The following PDE4B variants were observed in gnomAD, a reference collection of about 807,000 sequenced individuals.
PDE4B encodes the protein phosphodiesterase 4B.
A neutral mutation model predicts 82.2 loss-of-function variants in PDE4B; 20 were observed. The observed-to-expected ratio is 0.24, with a 90% CI of 0.17 to 0.35. The LOEUF (loss-of-function observed/expected upper bound fraction) is 0.35, where lower values mean the gene tolerates loss of function less well. Ranked by LOEUF, PDE4B falls within the 10% of genes least tolerant of loss-of-function variation. PDE4B has a pLI of 1.00. For synonymous variants in PDE4B, 320 were observed against 318.9 expected, an observed-to-expected ratio of 1.00 and a Z score of -0.04; for missense variants, 655 against 907.2, an observed-to-expected ratio of 0.72 and a Z score of 3.57.
At chr1:66,027,098 A>G (rs1490302325) in intron 3 of PDE4B, among the ~76,000 whole-genome samples, 4 of 152,218 alleles carry the variant, frequency 2.6e-5, no homozygotes. Flanking sequence ...ATCTACTAAA[A>G]TCTAAAAATA....
chr1:66,308,625 G>T (rs1009233103), intron 7 of PDE4B, among the ~76,000 whole-genome samples: 3 of 152,016 alleles, frequency 2.0e-5, no homozygotes, highest in Middle Eastern at 3.2e-3. Flanking sequence ...TAATATCTGG[G>T]CATTTTTTGC....
intron 3 of PDE4B, among the ~76,000 whole-genome samples, chr1:66,228,222 T>G (rs1651615518): frequency 6.6e-6 from 1 of 152,192 alleles, no homozygotes; most frequent in Non-Finnish European, 1.5e-5. Flanking sequence ...TCCCTTCCTT[T>G]ACCCCGGCTC....
intron 3 of PDE4B, among the ~76,000 whole-genome samples, chr1:66,034,714 C>T (rs1424611733): frequency 6.6e-6 from 1 of 152,208 alleles, no homozygotes; most frequent in Non-Finnish European, 1.5e-5. Flanking sequence ...AGAACCCTAG[C>T]ATGTCTAGGA....
At chr1:66,232,805 T>G (rs1652077810) in intron 3 of PDE4B, among the ~76,000 whole-genome samples, 1 of 152,214 alleles carries the variant, frequency 6.6e-6, no homozygotes. Context: ...GGATTTATTA[T>G]GAAGTGTTGC....
chr1:65,931,500 A>G (rs1045965430), intron 3 of PDE4B, among the ~76,000 whole-genome samples: 1 of 152,228 alleles, frequency 6.6e-6, no homozygotes, highest in Admixed American at 6.5e-5. Flanking sequence ...AGGTTTCAGT[A>G]TACAGAGTTA....
chr1:65,905,533 A>T (rs2100435301), intron 1 of PDE4B, among the ~76,000 whole-genome samples: 1 of 152,276 alleles, frequency 6.6e-6, no homozygotes, highest in African/African-American at 2.4e-5. Flanking sequence ...TCTTCATATT[A>T]AGGGTTTTGC....
intron 3 of PDE4B, among the ~76,000 whole-genome samples, chr1:66,070,504 T>C (rs1656098943): frequency 6.6e-6 from 1 of 151,990 alleles, no homozygotes; most frequent in African/African-American, 2.4e-5. Flanking sequence ...AAATAATTTG[T>C]CCCAAAGTTC....
chr1:66,138,192 A>C (rs596662), intron 3 of PDE4B, among the ~76,000 whole-genome samples: 42,204 of 152,136 alleles, frequency 0.28, 6,920 homozygotes, highest in Middle Eastern at 0.43. Context: ...TTTAACAAAT[A>C]AAGCAATCAA....
At chr1:65,924,040 T>C (rs534466687) in intron 3 of PDE4B, among the ~76,000 whole-genome samples, 15 of 149,986 alleles carry the variant, frequency 1.0e-4, no homozygotes, top group African/African-American at 3.4e-4. Flanking sequence ...TGGGCTGCAT[T>C]CTGATAATTG....
chr1:66,289,859 A>C (rs999948970), intron 7 of PDE4B, among the ~76,000 whole-genome samples: 1 of 152,080 alleles, frequency 6.6e-6, no homozygotes, highest in African/African-American at 2.4e-5. Context: ...AAGTGAGGGA[A>C]GTGGACCGAT....
At chr1:66,085,480 T>C (rs1404260807) in intron 3 of PDE4B, among the ~76,000 whole-genome samples, 1 of 152,134 alleles carries the variant, frequency 6.6e-6, no homozygotes, top group African/African-American at 2.4e-5. Flanking sequence ...TTAAATGTCC[T>C]CTTAATAATG....
intron 8 of PDE4B, among the ~76,000 whole-genome samples, chr1:66,352,439 T>A (rs541733301): frequency 1.1e-4 from 16 of 152,202 alleles, no homozygotes; most frequent in Non-Finnish European, 1.9e-4. Flanking sequence ...TGATTCCATA[T>A]TGAAAGTGAT....
intron 7 of PDE4B, among the ~76,000 whole-genome samples, chr1:66,285,475 A>C (rs1327464417): frequency 6.6e-6 from 1 of 151,878 alleles, no homozygotes; most frequent in Non-Finnish European, 1.5e-5. Flanking sequence ...CCATTAAGAA[A>C]TTTTCAACTC....
chr1:66,198,758 C>T (rs138041308), intron 3 of PDE4B, among the ~76,000 whole-genome samples: 1 of 152,086 alleles, frequency 6.6e-6, no homozygotes, highest in Non-Finnish European at 1.5e-5. Flanking sequence ...TATCCCTCCC[C>T]CTTCCCCCCA....
intron 8 of PDE4B, among the ~76,000 whole-genome samples, chr1:66,352,595 G>A (rs1030433448): frequency 6.6e-6 from 1 of 152,186 alleles, no homozygotes; most frequent in Non-Finnish European, 1.5e-5. Context: ...AGCTAGTAAA[G>A]AACTGGTCCT....
rs923717150 is a variant in PDE4B at position 66,157,916 on chromosome 1, G to A, written c.282-89544G>A. 2.6e-5 allele frequency among the ~76,000 whole-genome samples: 4 copies of A among 152,020 alleles called. No homozygotes were observed. In the South Asian group the frequency reaches 8.3e-4, roughly 32 times the overall value. On this transcript the variant is annotated intron_variant, in intron 3 of 16. Coordinates refer to ENST00000341517, the MANE Select transcript of PDE4B (RefSeq NM_002600.4). ...CTTTTCATATTTTTTGATATCTCTA[G>A]CATATTCTGAGGAAGTATTTTGAGA...
intron 3 of PDE4B, among the ~76,000 whole-genome samples, chr1:66,193,127 T>C (rs1178765233): frequency 6.6e-6 from 1 of 152,206 alleles, no homozygotes; most frequent in Non-Finnish European, 1.5e-5. Flanking sequence ...CCTGACTTCA[T>C]GATCATATAT....
At chr1:66,091,115 T>A (rs969108841) in intron 3 of PDE4B, among the ~76,000 whole-genome samples, 1 of 151,958 alleles carries the variant, frequency 6.6e-6, no homozygotes, top group Non-Finnish European at 1.5e-5. Flanking sequence ...GACAAACAGT[T>A]TTTCTAGTTT....
rs116104505 is a variant in PDE4B at position 66,240,879 on chromosome 1, G to C, written c.282-6581G>C. 8.4e-3 allele frequency among the ~76,000 whole-genome samples: 1,283 copies of C among 152,264 alleles called. 20 individuals are homozygous for C. Among genetic ancestry groups the C allele is most frequent in the African/African-American group, 0.029 (1,209 of 41,546 alleles). ...TTTCTGTGGGAAAAGACTGAGGTGT[G>C]GGGGGCAGGATACAGGGAGCCCCTG... On this transcript the variant is annotated intron_variant, in intron 3 of 16. Coordinates refer to ENST00000341517, the MANE Select transcript of PDE4B (RefSeq NM_002600.4).
Sources: allele counts gnomAD v4.1 joint callset (sites outside exome capture counted in the v4.1 genomes callset), GRCh38; gene constraint gnomAD v4.1.1; transcripts MANE v1.5; gene names NCBI Gene and HGNC (gene_info 2026-07-23, HGNC 2026-07-21).